The following NEGR1 variants were observed in gnomAD, a reference collection of about 807,000 sequenced individuals.
NEGR1 encodes the protein neuronal growth regulator 1, also known as IgLON family member 4.
Under a neutral mutation model 40.9 loss-of-function variants are expected in NEGR1, and 10 were observed. That is an observed-to-expected ratio of 0.24 (90% confidence interval 0.15 to 0.42). The LOEUF is 0.42. NEGR1 is among the 10% of genes least tolerant of loss of function. The pLI, the probability that NEGR1 is intolerant of heterozygous loss-of-function variation, is 1.00. For missense variants in NEGR1, 352 were observed against 438.9 expected (o/e 0.80, Z 1.77); for synonymous variants, 185 against 166.8 (o/e 1.11, Z -0.84).
chr1:71,878,041 A>G (rs1294276890), intron 2 of NEGR1, among the ~76,000 whole-genome samples: 1 of 152,194 alleles, frequency 6.6e-6, no homozygotes, highest in Non-Finnish European at 1.5e-5. Flanking sequence ...CTTCAAAATC[A>G]TCCTCTCCTG....
intron 3 of NEGR1, among the ~76,000 whole-genome samples, chr1:71,750,939 T>C (rs896478829): frequency 2.6e-5 from 4 of 152,186 alleles, no homozygotes; most frequent in Non-Finnish European, 5.9e-5. Context: ...ATTCCATCTA[T>C]AGAACTTAGT....
chr1:71,877,427 C>T (rs565082753), intron 2 of NEGR1, among the ~76,000 whole-genome samples: 38 of 152,106 alleles, frequency 2.5e-4, no homozygotes, highest in Non-Finnish European at 4.6e-4. Context: ...GGGCTCCCTC[C>T]TTGGCTTGTA....
chr1:71,680,587 C>T (rs1652806209), intron 4 of NEGR1, among the ~76,000 whole-genome samples: 1 of 151,990 alleles, frequency 6.6e-6, no homozygotes, highest in Non-Finnish European at 1.5e-5. Flanking sequence ...TTCTCCTTTT[C>T]CACTGTATGT....
At chr1:71,566,430 T>C (rs184034977) in intron 6 of NEGR1, among the ~76,000 whole-genome samples, 60 of 152,322 alleles carry the variant, frequency 3.9e-4, no homozygotes, top group African/African-American at 1.3e-3. Flanking sequence ...AAAAAGTGTT[T>C]ATTTAATGTT....
At chr1:71,755,622 G>T (rs192611372) in intron 3 of NEGR1, among the ~76,000 whole-genome samples, 1 of 152,100 alleles carries the variant, frequency 6.6e-6, no homozygotes, top group Non-Finnish European at 1.5e-5. Flanking sequence ...AACAACTTTT[G>T]TCTTGCCTTC....
intron 2 of NEGR1, among the ~76,000 whole-genome samples, chr1:71,820,555 G>A (rs1358332974): frequency 6.6e-6 from 1 of 151,960 alleles, no homozygotes; most frequent in Non-Finnish European, 1.5e-5. Context: ...TGTTAGAGTA[G>A]GGCATATAGG....
intron 1 of NEGR1, among the ~76,000 whole-genome samples, chr1:72,136,097 C>T (rs1041463096): frequency 1.3e-5 from 2 of 152,038 alleles, no homozygotes; most frequent in Non-Finnish European, 2.9e-5. Context: ...AAAATTCACA[C>T]TGTCTAACAT....
chr1:72,225,710 A>G (rs1043102708), intron 1 of NEGR1, among the ~76,000 whole-genome samples: 1 of 151,582 alleles, frequency 6.6e-6, no homozygotes, highest in African/African-American at 2.4e-5. Context: ...AAATTTTAAT[A>G]GATAATCTAT....
rs151307844 is a variant in NEGR1, at chr1:71,503,322, C to T, written c.940+89495G>A. Among the ~76,000 whole-genome samples the T allele has an allele frequency of 6.3e-4, 96 of 152,106 alleles. 1 individual carries two copies. In the East Asian group the frequency reaches 0.015, roughly 24 times the overall value. ...CTCTGCTGGATCAAGGAATTAGCAC[C>T]CCCATGTTACCTATCAAAGAAGAAG... On this transcript the variant is annotated intron_variant, in intron 6 of 6. Transcript: ENST00000357731.
intron 4 of NEGR1, among the ~76,000 whole-genome samples, chr1:71,667,243 T>C (rs1287577240): frequency 6.6e-6 from 1 of 152,202 alleles, no homozygotes; most frequent in Non-Finnish European, 1.5e-5. Flanking sequence ...CTCTTGTGAA[T>C]CAGTTGAAAA....
rs972209774 is a variant in NEGR1 at position 71,485,651 on chromosome 1, G to C, written c.941-78081C>G. ...ACCTTTTTACTGTCTCCATAGTTTT[G>C]CCTTTTCTAGAATGACATATAGTAG... On this transcript the variant is annotated intron_variant, in intron 6 of 6. Transcript: ENST00000357731. Among the ~76,000 whole-genome samples, 20 of 151,522 alleles carry C rather than the reference G, an allele frequency of 1.3e-4. 1 individual carries two copies. The highest frequency in any genetic ancestry group is 4.8e-4 in the African/African-American group (20 of 41,300).
intron 5 of NEGR1, among the ~76,000 whole-genome samples, chr1:71,595,096 T>C (rs373876335): frequency 1.4e-4 from 21 of 152,322 alleles, no homozygotes; most frequent in African/African-American, 4.1e-4. Flanking sequence ...TTCCCTGCCC[T>C]TAAATGTATC....
intron 1 of NEGR1, among the ~76,000 whole-genome samples, chr1:72,235,934 A>G (rs1242159301): frequency 6.6e-6 from 1 of 151,968 alleles, no homozygotes; most frequent in Non-Finnish European, 1.5e-5. Flanking sequence ...AGTAAAACTC[A>G]AAAAGCCCAA....
At chr1:72,206,766 G>C (rs969811551) in intron 1 of NEGR1, among the ~76,000 whole-genome samples, 1 of 151,880 alleles carries the variant, frequency 6.6e-6, no homozygotes, top group Non-Finnish European at 1.5e-5. Flanking sequence ...TCAACATAAA[G>C]GTGAACTCTA....
chr1:71,958,524 C>T (rs1394175442), intron 1 of NEGR1, among the ~76,000 whole-genome samples: 3 of 152,180 alleles, frequency 2.0e-5, no homozygotes, highest in African/African-American at 7.2e-5. Flanking sequence ...GATTATAATA[C>T]TGATTTATTA....
intron 4 of NEGR1, among the ~76,000 whole-genome samples, chr1:71,645,722 G>C (rs1287654352): frequency 6.6e-6 from 1 of 151,802 alleles, no homozygotes; most frequent in Non-Finnish European, 1.5e-5. Flanking sequence ...CTGGAAGTAA[G>C]AGGCTAACAT....
chr1:71,557,824 C>CT (rs1648301874), intron 6 of NEGR1, among the ~76,000 whole-genome samples: 2 of 151,688 alleles, frequency 1.3e-5, no homozygotes, highest in Non-Finnish European at 1.5e-5. Flanking sequence ...CCCATAATGT[C>CT]TTTTTTCTAT....
chr1:71,594,945 T>A (rs1422638826), intron 5 of NEGR1, among the ~76,000 whole-genome samples: 1 of 152,134 alleles, frequency 6.6e-6, no homozygotes, highest in African/African-American at 2.4e-5. Flanking sequence ...GCCGAAGAGT[T>A]GAGAGAGAAA....
chr1:72,154,707 C>T (rs909132145), intron 1 of NEGR1, among the ~76,000 whole-genome samples: 4 of 151,956 alleles, frequency 2.6e-5, no homozygotes, highest in African/African-American at 9.7e-5. Context: ...ATCTTAAGAT[C>T]GTACATACCT....
Sources: allele counts gnomAD v4.1 joint callset (sites outside exome capture counted in the v4.1 genomes callset), GRCh38; gene constraint gnomAD v4.1.1; transcripts MANE v1.5; gene names NCBI Gene and HGNC (gene_info 2026-07-23, HGNC 2026-07-21).